CSMD1: variants seen among roughly 807,000 people sequenced by gnomAD.
The protein encoded by CSMD1 is CUB and Sushi multiple domains 1, also known as CUB and sushi domain-containing protein 1.
In CSMD1, 213 loss-of-function variants were observed where a neutral mutation model predicts 417.5. The observed-to-expected ratio is 0.51, with a 90% CI of 0.46 to 0.57. CSMD1 has a LOEUF of 0.57. Among genes scored for constraint, CSMD1 ranks in the 20% least tolerant of loss-of-function variants. CSMD1 has a pLI of 0.00. For missense variants in CSMD1, 6,923 were observed against 4,529.7 expected (o/e 1.53, Z -15.17); for synonymous variants, 2,862 against 1,736.8 (o/e 1.65, Z -16.11).
rs548423155 is a variant in CSMD1, at chr8:3,501,788, G to C, written c.1345-8062C>G. 1.1e-3 allele frequency among the ~76,000 whole-genome samples: 175 copies of C among 152,256 alleles called. 1 individual carries two copies. Among genetic ancestry groups the C allele is most frequent in the Non-Finnish European group, 1.9e-3 (131 of 68,008 alleles). On this transcript the variant is annotated intron_variant, in intron 10 of 69. Transcript: ENST00000635120. The stretch of plus-strand genomic sequence containing the variant: ...TTAAAAGAAAATGCACACTTTCTTA[G>C]AAAATAAATATTATCAAATAATTTT...
chr8:3,927,572 G>C (rs547496165), intron 5 of CSMD1, among the ~76,000 whole-genome samples: 1 of 149,624 alleles, frequency 6.7e-6, no homozygotes, highest in Admixed American at 6.7e-5. Flanking sequence ...GGCTGAGGCA[G>C]GAGAATCGCT....
At chr8:3,653,682 T>C (rs1563237555) in intron 7 of CSMD1, among the ~76,000 whole-genome samples, 1 of 152,120 alleles carries the variant, frequency 6.6e-6, no homozygotes, top group Non-Finnish European at 1.5e-5. Context: ...ACAGCCCAAG[T>C]CCTGGCACTT....
intron 3 of CSMD1, among the ~76,000 whole-genome samples, chr8:4,037,750 T>G (rs1432956717): frequency 6.6e-6 from 1 of 152,192 alleles, no homozygotes; most frequent in Non-Finnish European, 1.5e-5. Context: ...TATCAGATTT[T>G]ACTGCAAACA....
At chr8:4,493,007 T>C (rs913791420) in intron 2 of CSMD1, among the ~76,000 whole-genome samples, 3 of 152,210 alleles carry the variant, frequency 2.0e-5, no homozygotes, top group Non-Finnish European at 4.4e-5. Flanking sequence ...AAGATCAAGG[T>C]TGTGTCAGAA....
chr8:3,029,635 T>TGGCACATG, intron 50 of CSMD1, 122 bp from the exon 51 acceptor site: 2 of 738,084 alleles, frequency 2.7e-6, no homozygotes, highest in Non-Finnish European at 4.4e-6. Flanking sequence ...GTTGATGCCA[T>TGGCACATG]TACGTATTAT....
At chr8:4,641,144 C>G (rs1638905342) in intron 1 of CSMD1, among the ~76,000 whole-genome samples, 2 of 150,952 alleles carry the variant, frequency 1.3e-5, no homozygotes, top group African/African-American at 4.9e-5. Flanking sequence ...GCATGGATAC[C>G]AAAATACACA....
Position 3,359,151 on chromosome 8 carries a change from C to G in CSMD1, c.3304+1G>C, listed in dbSNP as rs1467002076. ...TGAAATGAAAGCGTGTGACCACCTA[C>G]CCACACACCTTGGCAGAGGTGCACT... On this transcript the variant is annotated splice_donor_variant, in intron 21 of 69. Coordinates refer to ENST00000635120, the MANE Select transcript of CSMD1 (RefSeq NM_033225.6). LOFTEE classifies it high-confidence loss of function. The G allele has an allele frequency of 6.2e-7, 1 of 1,613,704 alleles. No homozygotes were observed. Among genetic ancestry groups the G allele is most frequent in the South Asian group, 1.1e-5 (1 of 91,066 alleles).
chr8:4,123,663 T>C (rs1276872948), intron 3 of CSMD1, among the ~76,000 whole-genome samples: 15 of 152,236 alleles, frequency 9.9e-5, no homozygotes, highest in African/African-American at 3.4e-4. Flanking sequence ...GTAACACTCT[T>C]AAAGTGGGAA....
rs116529375 is a variant in CSMD1, at chr8:4,672,576, G to A, written c.86-35018C>T. ...CAATCACAGAAAGTGTAAGACTATT[G>A]CTGATTCCCTACTGTAAATAAAATG... is the stretch of plus-strand genomic sequence containing the variant. On this transcript the variant is annotated intron_variant, in intron 1 of 69. Coordinates refer to ENST00000635120, the MANE Select transcript of CSMD1 (RefSeq NM_033225.6). Among the ~76,000 whole-genome samples, 1,394 of 152,216 alleles carry A rather than the reference G, an allele frequency of 9.2e-3. 24 individuals carry two copies. The highest frequency in any genetic ancestry group is 0.031 in the Middle Eastern group (9 of 294).
chr8:4,324,307 A>G (rs1321855416), intron 3 of CSMD1, among the ~76,000 whole-genome samples: 1 of 152,198 alleles, frequency 6.6e-6, no homozygotes, highest in Non-Finnish European at 1.5e-5. Context: ...CATTAACTAA[A>G]CAGCAACCTC....
intron 1 of CSMD1, among the ~76,000 whole-genome samples, chr8:4,754,524 G>A (rs1214336562): frequency 2.0e-5 from 3 of 150,790 alleles, no homozygotes; most frequent in Admixed American, 1.3e-4. Flanking sequence ...CAAAATTAGC[G>A]TCTATGTACT....
intron 12 of CSMD1, among the ~76,000 whole-genome samples, chr8:3,453,396 G>C (rs541162090): frequency 6.6e-6 from 1 of 151,900 alleles, no homozygotes; most frequent in African/African-American, 2.4e-5. Context: ...TTTTTTAATT[G>C]TGATGTTAGG....
intron 30 of CSMD1, among the ~76,000 whole-genome samples, chr8:3,211,974 CAG>C (rs1797637950): frequency 6.6e-6 from 1 of 152,186 alleles, no homozygotes; most frequent in Admixed American, 6.5e-5. Flanking sequence ...GGGTGCTGGG[CAG>C]AGACTTCCAG....
At chr8:4,636,978 G>A (rs927702232) in intron 2 of CSMD1, among the ~76,000 whole-genome samples, 1 of 152,156 alleles carries the variant, frequency 6.6e-6, no homozygotes, top group Non-Finnish European at 1.5e-5. Flanking sequence ...GATCGTAAAA[G>A]TAGCCAATCA....
chr8:3,837,869 C>A (rs1802811010), intron 5 of CSMD1, among the ~76,000 whole-genome samples: 1 of 152,128 alleles, frequency 6.6e-6, no homozygotes, highest in South Asian at 2.1e-4. Flanking sequence ...TCCAACCTCA[C>A]AGGACTAGTT....
At chr8:3,332,958 C>T (rs868486237) in intron 23 of CSMD1, among the ~76,000 whole-genome samples, 1 of 152,186 alleles carries the variant, frequency 6.6e-6, no homozygotes, top group South Asian at 2.1e-4. Flanking sequence ...AGATACGGAG[C>T]CTGACTCAAT....
intron 26 of CSMD1, among the ~76,000 whole-genome samples, chr8:3,282,034 T>C (rs537875746): frequency 8.5e-5 from 13 of 152,272 alleles, no homozygotes; most frequent in African/African-American, 2.6e-4. Flanking sequence ...GACTGTAAGT[T>C]TCCTGAGGCC....
intron 1 of CSMD1, among the ~76,000 whole-genome samples, chr8:4,658,441 G>C (rs1804378297): frequency 6.6e-6 from 1 of 152,078 alleles, no homozygotes; most frequent in Admixed American, 6.6e-5. Flanking sequence ...GAAGCAAGTG[G>C]CAGTATATTT....
At chr8:3,079,361 G>A (rs886122495) in intron 49 of CSMD1, among the ~76,000 whole-genome samples, 1 of 152,104 alleles carries the variant, frequency 6.6e-6, no homozygotes, top group East Asian at 1.9e-4. Flanking sequence ...ACATATCATA[G>A]CATGTGATTT....
Sources: allele counts gnomAD v4.1 joint callset (sites outside exome capture counted in the v4.1 genomes callset), GRCh38; gene constraint gnomAD v4.1.1; transcripts MANE v1.5; gene names NCBI Gene and HGNC (gene_info 2026-07-23, HGNC 2026-07-21).